RNLS: variants seen among roughly 807,000 people sequenced by gnomAD.
RNLS encodes the protein renalase.
Under a neutral mutation model 39.8 loss-of-function variants are expected in RNLS, and 39 were observed. The observed-to-expected ratio is 0.98, with a 90% CI of 0.76 to 1.28. RNLS has a LOEUF of 1.28. RNLS is among the 50% of genes most tolerant of loss of function. The pLI is 0.00. For missense variants in RNLS, 410 were observed against 413.3 expected (o/e 0.99, Z 0.07); for synonymous variants, 147 against 150.7 (o/e 0.98, Z 0.18).
At position 88,334,808 on chromosome 10, in the gene RNLS, G is replaced by A. The variant is rs193243058; in HGVS notation, c.701-20167C>T. Among the ~76,000 whole-genome samples, 23 of 151,974 alleles carry A rather than the reference G, an allele frequency of 1.5e-4. 1 individual carries two copies. In the East Asian group the frequency reaches 4.5e-3, roughly 29 times the overall value. ...CTGAATCTACCCACAGCTCAATCAAGTCTAAGGCTAAAAACATTCAATCTC... is the reference window on the plus strand; with the variant it reads ...CTGAATCTACCCACAGCTCAATCAAATCTAAGGCTAAAAACATTCAATCTC... On this transcript the variant is annotated intron_variant, in intron 5 of 6. Coordinates refer to ENST00000331772, the MANE Select transcript of RNLS (RefSeq NM_001031709.3).
At chr10:88,182,696 T>TGA in the RNLS span, among the ~76,000 whole-genome samples, 2 of 152,048 alleles carry the variant, frequency 1.3e-5, no homozygotes, top group African/African-American at 4.8e-5. Flanking sequence ...TGTGTGTGTG[T>TGA]GTGAGAGAGT....
the RNLS span, among the ~76,000 whole-genome samples, chr10:88,259,826 C>T: frequency 2.6e-5 from 4 of 152,136 alleles, no homozygotes; most frequent in South Asian, 2.1e-4. Context: ...TCACTGCAAC[C>T]TTTACCTCCC....
At chr10:88,554,644 C>A (rs1590008158) in intron 4 of RNLS, among the ~76,000 whole-genome samples, 1 of 151,924 alleles carries the variant, frequency 6.6e-6, no homozygotes, top group East Asian at 1.9e-4. Flanking sequence ...CAGGCCCTCA[C>A]CTCCAAAAGT....
chr10:88,372,841 A>G (rs1850674686), intron 4 of RNLS, among the ~76,000 whole-genome samples: 1 of 152,172 alleles, frequency 6.6e-6, no homozygotes, highest in South Asian at 2.1e-4. Flanking sequence ...CACATACACT[A>G]AGTCTGCAAA....
intron 3 of RNLS, among the ~76,000 whole-genome samples, chr10:88,578,548 C>T (rs186227806): frequency 4.6e-4 from 70 of 151,838 alleles, no homozygotes; most frequent in African/African-American, 1.1e-3. Flanking sequence ...AGGAGAATCT[C>T]GAAGTATTAC....
At chr10:88,240,314 T>A in the RNLS span, among the ~76,000 whole-genome samples, 2 of 152,212 alleles carry the variant, frequency 1.3e-5, no homozygotes, top group Non-Finnish European at 2.9e-5. Flanking sequence ...TGACTCTGCC[T>A]GGCGCAGTAC....
rs541283809 is a variant in RNLS at position 88,532,393 on chromosome 10, C to A, written c.526+40510G>T. 6.6e-5 allele frequency among the ~76,000 whole-genome samples: 10 copies of A among 151,872 alleles called. No homozygotes were observed. The South Asian group carries it at 2.1e-3, about 32-fold the overall frequency. On this transcript the variant is annotated intron_variant, in intron 4 of 6. Transcript: ENST00000331772. The stretch of plus-strand genomic sequence containing the variant: ...TGCAAATACTTACTAGTATACTGCT[C>A]CTATGGGAAAAATAAATGATTGATT...
At chr10:88,334,293 G>A (rs914772200) in intron 5 of RNLS, among the ~76,000 whole-genome samples, 7 of 152,100 alleles carry the variant, frequency 4.6e-5, no homozygotes, top group African/African-American at 1.7e-4. Flanking sequence ...TTTTCAGTTA[G>A]TTATGTATGA....
At chr10:88,415,001 C>G (rs1211261407) in intron 4 of RNLS, among the ~76,000 whole-genome samples, 2 of 152,016 alleles carry the variant, frequency 1.3e-5, no homozygotes, top group African/African-American at 4.8e-5. Flanking sequence ...CTGCCTTCAA[C>G]CAAAATACTG....
intron 4 of RNLS, among the ~76,000 whole-genome samples, chr10:88,560,069 T>C (rs763701327): frequency 2.9e-4 from 44 of 152,236 alleles, no homozygotes; most frequent in Middle Eastern, 3.4e-3. Flanking sequence ...ATTTATCTTT[T>C]CTTTGTGTTG....
intron 4 of RNLS, among the ~76,000 whole-genome samples, chr10:88,493,138 C>T (rs905901559): frequency 6.6e-6 from 1 of 152,112 alleles, no homozygotes; most frequent in Non-Finnish European, 1.5e-5. Flanking sequence ...TCTGCTCTGG[C>T]ATGTGTTCTA....
At chr10:88,377,208 T>G (rs1269361749) in intron 4 of RNLS, among the ~76,000 whole-genome samples, 1 of 147,284 alleles carries the variant, frequency 6.8e-6, no homozygotes, top group East Asian at 2.0e-4. Context: ...GTCGCATGCA[T>G]GCACACACAT....
At chr10:88,459,588 A>G (rs1301343099) in intron 4 of RNLS, among the ~76,000 whole-genome samples, 1 of 152,280 alleles carries the variant, frequency 6.6e-6, no homozygotes, top group South Asian at 2.1e-4. Flanking sequence ...GCCCCAGGAC[A>G]CCGTTAAGAA....
chr10:88,479,801 T>G (rs552410322), intron 4 of RNLS, among the ~76,000 whole-genome samples: 1 of 151,298 alleles, frequency 6.6e-6, no homozygotes, highest in African/African-American at 2.4e-5. Context: ...TTCTTTTTTT[T>G]TTTTTTTAAG....
At chr10:88,386,757 G>A (rs1431515735) in intron 4 of RNLS, among the ~76,000 whole-genome samples, 1 of 152,188 alleles carries the variant, frequency 6.6e-6, no homozygotes, top group African/African-American at 2.4e-5. Flanking sequence ...TTAGGTATTA[G>A]TTCCCAAATC....
At chr10:88,579,023 A>G (rs1850370525) in intron 3 of RNLS, among the ~76,000 whole-genome samples, 1 of 152,196 alleles carries the variant, frequency 6.6e-6, no homozygotes, top group Non-Finnish European at 1.5e-5. Context: ...AGGCATACTA[A>G]TATGAGAAAA....
chr10:88,224,625 A>C, the RNLS span, among the ~76,000 whole-genome samples: 6 of 152,156 alleles, frequency 3.9e-5, no homozygotes, highest in Non-Finnish European at 7.4e-5. Flanking sequence ...CTTATATCCA[A>C]AGGAGCTTCG....
the RNLS span, among the ~76,000 whole-genome samples, chr10:88,179,167 G>A: frequency 8.5e-5 from 13 of 152,328 alleles, no homozygotes; most frequent in African/African-American, 3.1e-4. Flanking sequence ...AAGAAATCAG[G>A]TAGGGGGAAT....
chr10:88,448,666 T>A (rs758042870), intron 4 of RNLS, among the ~76,000 whole-genome samples: 27 of 152,270 alleles, frequency 1.8e-4, no homozygotes, highest in Non-Finnish European at 3.5e-4. Context: ...ACCCAAAGGA[T>A]TATAAATCAT....
Sources: allele counts gnomAD v4.1 joint callset (sites outside exome capture counted in the v4.1 genomes callset), GRCh38; gene constraint gnomAD v4.1.1; transcripts MANE v1.5; gene names NCBI Gene and HGNC (gene_info 2026-07-23, HGNC 2026-07-21).